Variants in SLC35F4 observed in about 807,000 individuals in gnomAD.
SLC35F4 encodes solute carrier family 35 member F4.
In SLC35F4, 24 loss-of-function variants were observed where a neutral mutation model predicts 44.2. That is an observed-to-expected ratio of 0.54 (90% CI 0.39 to 0.76). The LOEUF is 0.76. SLC35F4 is among the 30% of genes least tolerant of loss of function. The pLI, the probability that SLC35F4 is intolerant of heterozygous loss-of-function variation, is 0.00. For missense variants in SLC35F4, 562 were observed against 586.1 expected (o/e 0.96, Z 0.42); for synonymous variants, 238 against 223.6 (o/e 1.06, Z -0.57).
At chr14:57,637,869 A>T (rs571960592) in intron 1 of SLC35F4, among the ~76,000 whole-genome samples, 1 of 152,046 alleles carries the variant, frequency 6.6e-6, no homozygotes, top group African/African-American at 2.4e-5. Context: ...AGTCTTGGCC[A>T]TGATGGGATG....
chr14:57,747,780 T>C (rs1304916180), intron 1 of SLC35F4, among the ~76,000 whole-genome samples: 1 of 152,216 alleles, frequency 6.6e-6, no homozygotes, highest in Non-Finnish European at 1.5e-5. Flanking sequence ...AACTACTTTT[T>C]GCATAATTAT....
At chr14:57,739,961 G>A (rs2076563832) in intron 1 of SLC35F4, among the ~76,000 whole-genome samples, 1 of 152,144 alleles carries the variant, frequency 6.6e-6, no homozygotes, top group Non-Finnish European at 1.5e-5. Context: ...CGGGGTTCAA[G>A]CAATTCTCCT....
intron 1 of SLC35F4, among the ~76,000 whole-genome samples, chr14:57,663,205 A>G (rs977748530): frequency 2.0e-5 from 3 of 152,222 alleles, no homozygotes; most frequent in African/African-American, 7.2e-5. Context: ...GTTTTACCGT[A>G]TAGATGTAGA....
chr14:57,844,943 C>G (rs1226399753), intron 1 of SLC35F4, among the ~76,000 whole-genome samples: 1 of 83,786 alleles, frequency 1.2e-5, no homozygotes, highest in Non-Finnish European at 2.1e-5. Flanking sequence ...CTTCCCCCAC[C>G]CCCCCATGCA....
At chr14:57,851,003 G>T (rs1310986425) in intron 1 of SLC35F4, among the ~76,000 whole-genome samples, 1 of 152,144 alleles carries the variant, frequency 6.6e-6, no homozygotes, top group African/African-American at 2.4e-5. Flanking sequence ...CTGCAAAAAA[G>T]CTAGTAGATC....
At chr14:57,710,622 G>T (rs977683854) in intron 1 of SLC35F4, among the ~76,000 whole-genome samples, 1 of 152,168 alleles carries the variant, frequency 6.6e-6, no homozygotes, top group Non-Finnish European at 1.5e-5. Flanking sequence ...AGACACAGGG[G>T]TGGAGCTGCC....
At chr14:57,674,153 C>A (rs371403556) in intron 1 of SLC35F4, among the ~76,000 whole-genome samples, 2 of 151,726 alleles carry the variant, frequency 1.3e-5, no homozygotes, top group East Asian at 1.9e-4. Context: ...AAATTAAAAC[C>A]ACAATAAGAT....
intron 1 of SLC35F4, among the ~76,000 whole-genome samples, chr14:57,700,979 C>T (rs1167765806): frequency 2.0e-5 from 3 of 152,046 alleles, no homozygotes; most frequent in African/African-American, 7.2e-5. Flanking sequence ...TTTTTTCTAG[C>T]TTAAATTTGG....
At chr14:57,881,818 T>C (rs1390633415) in intron 1 of SLC35F4, among the ~76,000 whole-genome samples, 2 of 152,152 alleles carry the variant, frequency 1.3e-5, no homozygotes, top group Admixed American at 6.5e-5. Context: ...CAATCTGGTT[T>C]AAAGCTTAAT....
At chr14:57,698,101 T>A (rs907587108) in intron 1 of SLC35F4, among the ~76,000 whole-genome samples, 4 of 152,176 alleles carry the variant, frequency 2.6e-5, no homozygotes, top group Admixed American at 1.3e-4. Flanking sequence ...CTTAAGAGAA[T>A]TGAGTTAATA....
chr14:57,960,327 A>AC, intron 1 of SLC35F4, among the ~76,000 whole-genome samples: 1 of 152,308 alleles, frequency 6.6e-6, no homozygotes, highest in East Asian at 1.9e-4. Context: ...ACGTCACATG[A>AC]CAAAGGGCTC....
intron 1 of SLC35F4, among the ~76,000 whole-genome samples, chr14:57,911,971 A>G (rs571821758): frequency 2.6e-5 from 4 of 152,112 alleles, no homozygotes; most frequent in South Asian, 2.1e-4. Flanking sequence ...GTATAGGCTT[A>G]ATCAGATTGT....
At chr14:57,825,368 G>A (rs1441253875) in intron 1 of SLC35F4, among the ~76,000 whole-genome samples, 1 of 152,102 alleles carries the variant, frequency 6.6e-6, no homozygotes, top group Non-Finnish European at 1.5e-5. Flanking sequence ...ATAAGTGGAG[G>A]ACTTAAATGC....
chr14:57,578,291 T>TTTTAATC (rs1004853209), intron 4 of SLC35F4, among the ~76,000 whole-genome samples: 6 of 142,200 alleles, frequency 4.2e-5, no homozygotes, highest in Non-Finnish European at 9.2e-5. Context: ...GAAATATAAA[T>TTTTAATC]TTTAATCTGA....
At chr14:57,920,128 C>T (rs887187856) in intron 1 of SLC35F4, among the ~76,000 whole-genome samples, 7 of 152,122 alleles carry the variant, frequency 4.6e-5, no homozygotes, top group African/African-American at 1.2e-4. Context: ...CTGTATGAAA[C>T]GTGTATCTTC....
chr14:57,694,426 A>C (rs1252529678), intron 1 of SLC35F4, among the ~76,000 whole-genome samples: 2 of 152,174 alleles, frequency 1.3e-5, no homozygotes, highest in Non-Finnish European at 2.9e-5. Flanking sequence ...ATTTTACATA[A>C]TGTTTGTGAG....
chr14:57,690,889 A>C (rs1398986992), intron 1 of SLC35F4, among the ~76,000 whole-genome samples: 1 of 152,128 alleles, frequency 6.6e-6, no homozygotes. Context: ...GACAGCTCTA[A>C]ATACAGATGA....
At chr14:57,717,865 T>TTA (rs1372815240) in intron 1 of SLC35F4, among the ~76,000 whole-genome samples, 1 of 152,194 alleles carries the variant, frequency 6.6e-6, no homozygotes, top group Non-Finnish European at 1.5e-5. Context: ...AACAATCCAA[T>TTA]TATACTGTTT....
At chr14:57,601,038 C>T (rs1018491533) in intron 1 of SLC35F4, among the ~76,000 whole-genome samples, 1 of 152,082 alleles carries the variant, frequency 6.6e-6, no homozygotes, top group Admixed American at 6.5e-5. Context: ...ACAATTCCAT[C>T]GTACTTACCA....
Sources: allele counts gnomAD v4.1 joint callset (sites outside exome capture counted in the v4.1 genomes callset), GRCh38; gene constraint gnomAD v4.1.1; transcripts MANE v1.5; gene names NCBI Gene and HGNC (gene_info 2026-07-23, HGNC 2026-07-21).